TRABD2A: variants seen among roughly 807,000 people sequenced by gnomAD.
TRABD2A encodes metalloprotease TIKI1.
A neutral mutation model predicts 45.6 loss-of-function variants in TRABD2A; 43 were observed. That is an observed-to-expected ratio of 0.94 (90% CI 0.74 to 1.22). The LOEUF (loss-of-function observed/expected upper bound fraction) is 1.22. Ranked by LOEUF, TRABD2A falls within the 50% of genes most tolerant of loss-of-function variation. The pLI is 0.00. For missense variants in TRABD2A, 642 were observed against 652.4 expected (o/e 0.98, Z 0.17); for synonymous variants, 269 against 265.0 (o/e 1.02, Z -0.15).
chr2:84,879,806 C>G (rs1405515952), intron 1 of TRABD2A, among the ~76,000 whole-genome samples: 4 of 152,180 alleles, frequency 2.6e-5, no homozygotes, highest in African/African-American at 9.7e-5. Context: ...CTTACAGAGG[C>G]GAACACCGTG....
At chr2:84,823,902 G>T (rs993342729) in intron 6 of TRABD2A, 51 bp downstream of exon 6, 1 of 1,599,594 alleles carries the variant, frequency 6.3e-7, no homozygotes, top group Non-Finnish European at 8.5e-7. Flanking sequence ...TCCTGGGTCC[G>T]CTCACTAGGG....
chr2:84,828,636 C>T (rs543561516), intron 5 of TRABD2A, among the ~76,000 whole-genome samples: 1 of 152,316 alleles, frequency 6.6e-6, no homozygotes, highest in African/African-American at 2.4e-5. Context: ...CCTAAAACCT[C>T]TCAGGTCCCC....
chr2:84,879,565 A>G (rs1683135021), intron 1 of TRABD2A: 2 of 983,094 alleles, frequency 2.0e-6, no homozygotes, highest in South Asian at 4.7e-5. Flanking sequence ...GACAGATTCT[A>G]AAGGAGAGAG....
At chr2:84,868,774 A>G (rs1411832039) in intron 2 of TRABD2A, among the ~76,000 whole-genome samples, 1 of 152,236 alleles carries the variant, frequency 6.6e-6, no homozygotes, top group Non-Finnish European at 1.5e-5. Flanking sequence ...CCCAATTGGG[A>G]GTATGAAAGA....
chr2:84,833,669 A>G (rs1303278408), intron 4 of TRABD2A: 1 of 151,868 alleles, frequency 6.6e-6, no homozygotes, highest in Admixed American at 6.5e-5. Context: ...CCTCTGTTCA[A>G]CTTAGCCTTC....
chr2:84,881,064 C>T lies in TRABD2A; in HGVS notation c.-25G>A. 2 of 1,564,770 alleles carry T rather than the reference C, an allele frequency of 1.3e-6. No individual in the cohort carries two copies. The highest frequency in any genetic ancestry group is 1.7e-6 in the Non-Finnish European group (2 of 1,157,020). ...TCCTCCTCAAGGCGGCTCCGAGGCC[C>T]GGAACGCGGAGGGAAGGAGTAGGGC... On this transcript the variant is annotated 5_prime_UTR_variant, in exon 1 of 7. Transcript: ENST00000409520.
At position 84,841,458 on chromosome 2, in the gene TRABD2A, T is replaced by C. The variant is rs940744271; in HGVS notation, c.816+403A>G. Among the ~76,000 whole-genome samples, 8 of 152,228 alleles carry C rather than the reference T, an allele frequency of 5.3e-5. No individual in the cohort carries two copies. The East Asian group carries it at 1.5e-3, about 29-fold the overall frequency. On this transcript the variant is annotated intron_variant, in intron 3 of 6. Coordinates refer to ENST00000409520, the MANE Select transcript of TRABD2A (RefSeq NM_001277053.2). ...TAAGCATTCTGTGAATACACAGCTATATCATGTTCACATGTTCCTAGAGGC... is the reference window on the plus strand; with the variant it reads ...TAAGCATTCTGTGAATACACAGCTACATCATGTTCACATGTTCCTAGAGGC...
intron 5 of TRABD2A, among the ~76,000 whole-genome samples, chr2:84,825,495 G>C (rs1681120634): frequency 6.6e-6 from 1 of 152,214 alleles, no homozygotes; most frequent in Admixed American, 6.5e-5. Flanking sequence ...TAAATTCATA[G>C]CTAGAAGGTT....
chr2:84,857,803 C>T (rs1211405234), intron 2 of TRABD2A, among the ~76,000 whole-genome samples: 20 of 152,148 alleles, frequency 1.3e-4, no homozygotes. Context: ...GGTGTCTCCC[C>T]CTACCCAGCC....
intron 3 of TRABD2A, among the ~76,000 whole-genome samples, chr2:84,841,387 G>A (rs574620711): frequency 1.3e-5 from 2 of 152,318 alleles, no homozygotes; most frequent in African/African-American, 4.8e-5. Context: ...AATGATCCAC[G>A]TCTGCAAATG....
At chr2:84,873,125 A>C (rs1559099656) in intron 1 of TRABD2A, among the ~76,000 whole-genome samples, 1 of 150,930 alleles carries the variant, frequency 6.6e-6, no homozygotes, top group East Asian at 1.9e-4. Flanking sequence ...AAAAAAAAAA[A>C]AAAAAAAAAT....
chr2:84,835,815 TC>T (rs1681490782), intron 4 of TRABD2A: 1 of 152,166 alleles, frequency 6.6e-6, no homozygotes, highest in African/African-American at 2.4e-5. Context: ...TACACTACTT[TC>T]CTCCAGTCCT....
At chr2:84,871,103 G>A (rs1259565530) in intron 1 of TRABD2A, among the ~76,000 whole-genome samples, 1 of 152,154 alleles carries the variant, frequency 6.6e-6, no homozygotes, top group Non-Finnish European at 1.5e-5. Flanking sequence ...ATGAGACTCA[G>A]CTTTTCAATC....
intron 2 of TRABD2A, among the ~76,000 whole-genome samples, chr2:84,856,877 A>C (rs750259861): frequency 1.2e-4 from 18 of 152,174 alleles, no homozygotes; most frequent in Non-Finnish European, 2.1e-4. Flanking sequence ...CTAACCTCCC[A>C]TGTCACCATA....
intron 1 of TRABD2A, among the ~76,000 whole-genome samples, chr2:84,871,684 A>G (rs1682875631): frequency 6.6e-6 from 1 of 152,102 alleles, no homozygotes; most frequent in East Asian, 1.9e-4. Context: ...ACGGGGTTTC[A>G]CCATATTGGC....
At chr2:84,866,269 C>T (rs953802137) in intron 2 of TRABD2A, among the ~76,000 whole-genome samples, 10 of 152,256 alleles carry the variant, frequency 6.6e-5, no homozygotes, top group African/African-American at 2.4e-4. Flanking sequence ...GTCCAGCCAA[C>T]TGCTGCTATG....
intron 2 of TRABD2A, among the ~76,000 whole-genome samples, chr2:84,846,531 A>C (rs114399356): frequency 1.8e-4 from 27 of 152,296 alleles, no homozygotes; most frequent in African/African-American, 6.3e-4. Context: ...TCCTGCCCCC[A>C]CTGTGCTCAC....
intron 2 of TRABD2A, among the ~76,000 whole-genome samples, chr2:84,862,903 T>A (rs1284873234): frequency 2.0e-5 from 3 of 149,014 alleles, no homozygotes; most frequent in African/African-American, 2.6e-5. Flanking sequence ...TTTTCTGCTC[T>A]GCTCAAAAAA....
At position 84,821,928 on chromosome 2, in the gene TRABD2A, G is replaced by T; in HGVS notation, c.1507C>A (p.Pro503Thr). ...GGTGCTTCCAGTCGTTACAGGAGGG[G>T]TGTCTCTGTTTGGAAAGCCAGCACC... ...VLVLAFQTETPLL is the reference protein window; with the variant it reads ...VLVLAFQTETTLL The change falls in exon 7 of 7, where the codon CCC becomes ACC. Residue 503 changes from proline (P) to threonine (T), a missense_variant. Transcript: ENST00000409520. 1.9e-6 allele frequency: 3 copies of T among 1,601,010 alleles called. No homozygotes were observed. The highest frequency in any genetic ancestry group is 1.1e-5 in the South Asian group (1 of 88,096).
Sources: gnomAD v4.1 joint callset for allele counts (sites outside exome capture counted in the v4.1 genomes callset) on GRCh38, gnomAD v4.1.1 for gene constraint, MANE v1.5 for transcripts, NCBI Gene and HGNC (gene_info 2026-07-23, HGNC 2026-07-21) for gene names.